Variants in DLGAP1 observed in about 807,000 individuals in gnomAD.
DLGAP1 encodes DLG associated protein 1, also known as disks large-associated protein 1.
DLGAP1 carries 11 observed loss-of-function variants against 90.8 expected under a neutral mutation model. That is an observed-to-expected ratio of 0.12 (90% CI 0.08 to 0.20). DLGAP1 has a LOEUF of 0.20. Among genes scored for constraint, DLGAP1 ranks in the 10% least tolerant of loss-of-function variants. DLGAP1 has a pLI of 1.00. For missense variants in DLGAP1, 1,050 were observed against 1,333.8 expected, an observed-to-expected ratio of 0.79 and a Z score of 3.31; for synonymous variants, 558 against 540.7, an observed-to-expected ratio of 1.03 and a Z score of -0.44.
intron 1 of DLGAP1, among the ~76,000 whole-genome samples, chr18:4,317,410 G>T (rs2143545605): frequency 6.6e-6 from 1 of 152,246 alleles, no homozygotes; most frequent in East Asian, 1.9e-4. Flanking sequence ...TCAGATCCAT[G>T]ATAATTTTAA....
chr18:4,235,060 T>C (rs1183357503), intron 1 of DLGAP1, among the ~76,000 whole-genome samples: 2 of 152,116 alleles, frequency 1.3e-5, no homozygotes, highest in Admixed American at 6.6e-5. Flanking sequence ...CCAGTCAGGG[T>C]TGTTCCCTTT....
At chr18:3,680,443 C>A (rs533504082) in intron 7 of DLGAP1, among the ~76,000 whole-genome samples, 3 of 152,310 alleles carry the variant, frequency 2.0e-5, no homozygotes, top group Admixed American at 6.5e-5. Flanking sequence ...TTTACCTAAT[C>A]TATTCTGTTG....
intron 2 of DLGAP1, among the ~76,000 whole-genome samples, chr18:4,077,425 G>T (rs1169120508): frequency 6.6e-6 from 1 of 152,180 alleles, no homozygotes; most frequent in African/African-American, 2.4e-5. Context: ...GTCAGAGGTG[G>T]TGCTCAGTGG....
intron 11 of DLGAP1, among the ~76,000 whole-genome samples, chr18:3,504,161 C>T (rs1312183635): frequency 1.3e-5 from 2 of 151,882 alleles, no homozygotes; most frequent in African/African-American, 4.8e-5. Context: ...CCTAAAGTGC[C>T]CAAAAGTTCT....
chr18:4,089,841 C>A lies in DLGAP1; in HGVS notation c.-159+61339G>T, dbSNP rs569902825. ...CGGGCGGATCACGAGGTCAGGAGAT[C>A]GAGACCATCCTGGCTAACACGGTGA... On this transcript the variant is annotated intron_variant, in intron 2 of 12. Transcript: ENST00000315677. 3.4e-3 allele frequency among the ~76,000 whole-genome samples: 521 copies of A among 152,214 alleles called. 1 individual carries two copies. Among genetic ancestry groups the A allele is most frequent in the Non-Finnish European group, 5.8e-3 (397 of 68,012 alleles).
At chr18:3,817,035 G>A (rs926688195) in intron 4 of DLGAP1, among the ~76,000 whole-genome samples, 4 of 152,198 alleles carry the variant, frequency 2.6e-5, no homozygotes, top group African/African-American at 9.6e-5. Context: ...GCATTGGCAG[G>A]TGACTCACTG....
chr18:4,081,697 T>A (rs564612314), intron 2 of DLGAP1, among the ~76,000 whole-genome samples: 1 of 152,340 alleles, frequency 6.6e-6, no homozygotes. Context: ...AGTCTGTCAA[T>A]GCACCAGGAC....
chr18:4,363,734 A>G (rs1207945822), intron 1 of DLGAP1, among the ~76,000 whole-genome samples: 3 of 152,208 alleles, frequency 2.0e-5, no homozygotes, highest in Non-Finnish European at 2.9e-5. Flanking sequence ...TAGAATGGCA[A>G]TCATTAAAAA....
intron 7 of DLGAP1, among the ~76,000 whole-genome samples, chr18:3,610,029 G>C (rs922138929): frequency 5.3e-5 from 8 of 151,526 alleles, no homozygotes; most frequent in African/African-American, 1.7e-4. Context: ...TTGTTCTCCA[G>C]CCTGGGCAAC....
chr18:3,582,790 A>G (rs1422734891), intron 7 of DLGAP1, among the ~76,000 whole-genome samples: 1 of 151,968 alleles, frequency 6.6e-6, no homozygotes, highest in Non-Finnish European at 1.5e-5. Context: ...ACGCCATGGT[A>G]GCTGCTGCAA....
intron 1 of DLGAP1, among the ~76,000 whole-genome samples, chr18:4,213,174 T>C (rs1048066505): frequency 6.6e-6 from 1 of 152,146 alleles, no homozygotes; most frequent in African/African-American, 2.4e-5. Context: ...CCAAAGCAAA[T>C]TGGGGCAAAA....
At chr18:3,603,722 A>G (rs1016529185) in intron 7 of DLGAP1, 1 of 154,394 alleles carries the variant, frequency 6.5e-6, no homozygotes. Context: ...ATACTAGCAC[A>G]GTAAGGGAAT....
At chr18:3,776,489 A>G (rs2064943665) in intron 5 of DLGAP1, among the ~76,000 whole-genome samples, 2 of 152,146 alleles carry the variant, frequency 1.3e-5, no homozygotes, top group Admixed American at 1.3e-4. Context: ...TGGATGAACA[A>G]ATGCACGCTT....
intron 1 of DLGAP1, among the ~76,000 whole-genome samples, chr18:4,356,865 T>C (rs970332064): frequency 6.6e-6 from 1 of 152,180 alleles, no homozygotes; most frequent in Admixed American, 6.5e-5. Context: ...TCTAGTCCAC[T>C]GGCCCCCTTG....
intron 1 of DLGAP1, among the ~76,000 whole-genome samples, chr18:4,353,851 C>T (rs1007358996): frequency 9.2e-5 from 14 of 152,192 alleles, no homozygotes; most frequent in African/African-American, 3.1e-4. Flanking sequence ...ACTTTGAAAT[C>T]ACTGTCGCTC....
At chr18:3,721,659 G>A (rs1224882819) in intron 7 of DLGAP1, 1 of 152,078 alleles carries the variant, frequency 6.6e-6, no homozygotes, top group Non-Finnish European at 1.5e-5. Flanking sequence ...ATGGCAGGAA[G>A]CTAAATGCAT....
At chr18:4,289,926 G>T (rs1405428865) in intron 1 of DLGAP1, among the ~76,000 whole-genome samples, 1 of 152,106 alleles carries the variant, frequency 6.6e-6, no homozygotes, top group Non-Finnish European at 1.5e-5. Context: ...GAATTTTTCT[G>T]TCTCCTTTCA....
At chr18:4,077,216 T>A (rs748342195) in intron 2 of DLGAP1, among the ~76,000 whole-genome samples, 4 of 152,182 alleles carry the variant, frequency 2.6e-5, no homozygotes, top group Non-Finnish European at 5.9e-5. Flanking sequence ...AAATACCCAG[T>A]GATTTTTTTG....
At chr18:4,372,262 A>G (rs1422898251) in intron 1 of DLGAP1, among the ~76,000 whole-genome samples, 1 of 152,334 alleles carries the variant, frequency 6.6e-6, no homozygotes, top group African/African-American at 2.4e-5. Flanking sequence ...ATATCATACA[A>G]ATAAATACTA....
Sources: gnomAD v4.1 joint callset for allele counts (sites outside exome capture counted in the v4.1 genomes callset) on GRCh38, gnomAD v4.1.1 for gene constraint, MANE v1.5 for transcripts, NCBI Gene and HGNC (gene_info 2026-07-23, HGNC 2026-07-21) for gene names.